PPIE: variants seen among roughly 807,000 people sequenced by gnomAD.
PPIE encodes the protein peptidylprolyl isomerase E.
A neutral mutation model predicts 38.4 loss-of-function variants in PPIE; 20 were observed. The observed-to-expected ratio is 0.52, with a 90% CI of 0.37 to 0.76. PPIE has a LOEUF of 0.76. Among genes scored for constraint, PPIE ranks in the 30% least tolerant of loss-of-function variants. The pLI, the probability that PPIE is intolerant of heterozygous loss-of-function variation, is 0.00. For missense variants in PPIE, 322 were observed against 385.8 expected (o/e 0.83, Z 1.39); for synonymous variants, 142 against 135.7 (o/e 1.05, Z -0.32).
intron 8 of PPIE, among the ~76,000 whole-genome samples, chr1:39,750,565 A>G (rs1647617863): frequency 6.6e-6 from 1 of 152,210 alleles, no homozygotes; most frequent in South Asian, 2.1e-4. Flanking sequence ...GTATCATATC[A>G]GTGCTCGTGA....
chr1:39,741,325 C>T, intron 2 of PPIE, 41 bp from the exon 3 acceptor site: 11 of 1,594,864 alleles, frequency 6.9e-6, no homozygotes, highest in Non-Finnish European at 9.5e-6. Context: ...TTCCCACTAC[C>T]CCACATAGTA....
intron 8 of PPIE, among the ~76,000 whole-genome samples, chr1:39,750,599 G>GCCAAAA (rs1647623488): frequency 6.6e-6 from 1 of 152,162 alleles, no homozygotes; most frequent in African/African-American, 2.4e-5. Flanking sequence ...GGGGCATTTT[G>GCCAAAA]GATTTTGGAT....
At position 39,755,703 on chromosome 1, in the gene PPIE, G is replaced by A. The variant is rs371787125; in HGVS notation, c.*2348G>A. On this transcript the variant is annotated 3_prime_UTR_variant, in exon 10 of 10. Coordinates refer to ENST00000324379, the MANE Select transcript of PPIE (RefSeq NM_006112.4). ...ACTCTGTTCCTCCCTGATACTCTGG[G>A]GAGGTGGAGGCCAGTGGGCAGTTCT... The A allele has an allele frequency of 1.0e-6, 1 of 985,422 alleles. No homozygotes were observed. The highest frequency in any genetic ancestry group is 4.7e-5 in the South Asian group (1 of 21,286). The allele number at this position is 985,422 out of a possible 1,614,324, so 61.0% of individuals were successfully genotyped here. A position where few individuals can be genotyped will look rare whatever the true frequency, so the allele number is the denominator to read the frequency against.
chr1:39,744,048 C>T, intron 6 of PPIE, 124 bp downstream of exon 6: 1 of 618,952 alleles, frequency 1.6e-6, no homozygotes, highest in Non-Finnish European at 2.8e-6. Context: ...ATAATGAATT[C>T]TTAGTACTTT....
At chr1:39,752,803 C>G (rs1021500064) in intron 8 of PPIE, 107 bp from the exon 9 acceptor site, 16 of 1,377,760 alleles carry the variant, frequency 1.2e-5, no homozygotes, top group Non-Finnish European at 1.6e-5. Context: ...TCTGTGCATC[C>G]CCGAGTCTGA....
chr1:39,760,015 C>T (rs1359467116), downstream of PPIE: 2 of 242,868 alleles, frequency 8.2e-6, no homozygotes, highest in African/African-American at 4.5e-5. Context: ...TGGTGAAGAG[C>T]TCAAGGTGGC....
At chr1:39,743,368 A>G (rs1647109677) in intron 5 of PPIE, 71 bp downstream of exon 5, 4 of 1,380,446 alleles carry the variant, frequency 2.9e-6, no homozygotes, top group Non-Finnish European at 4.1e-6. Flanking sequence ...TTTTGTCTCT[A>G]TTTACTTGGA....
At position 39,741,489 on chromosome 1, in the gene PPIE, G is replaced by A. The variant is rs2124294084; in HGVS notation, c.174+80G>A. The A allele has an allele frequency of 2.0e-6, 3 of 1,494,124 alleles. No homozygotes were observed. The East Asian group carries it at 6.8e-5, about 34-fold the overall frequency. The allele number at this position is 1,494,124 out of a possible 1,614,324, so 92.6% of individuals were successfully genotyped here. On this transcript the variant is annotated intron_variant, in intron 3 of 9. Coordinates refer to ENST00000324379, the MANE Select transcript of PPIE (RefSeq NM_006112.4). ...TACAAAGGAAGCTTTTCACCATTTGGTTAGGTTTTTGGGCCTTAGGCTGAT... is the reference window on the plus strand; with the variant it reads ...TACAAAGGAAGCTTTTCACCATTTGATTAGGTTTTTGGGCCTTAGGCTGAT...
At position 39,753,502 on chromosome 1, in the gene PPIE, C is replaced by T. The variant is rs1331831183; in HGVS notation, c.*147C>T. On this transcript the variant is annotated 3_prime_UTR_variant, in exon 10 of 10. Transcript: ENST00000324379. ...GCCCTTCCTCAGGGTCTGCTTGGAG[C>T]AGCTCCTCTGCAGGCACAGCCTGGA... 56 of 1,448,794 alleles carry T rather than the reference C, an allele frequency of 3.9e-5. 1 individual carries two copies. Among genetic ancestry groups the T allele is most frequent in the East Asian group, 3.0e-4 (12 of 39,780 alleles). 89.7% of individuals were successfully genotyped at this position (1,448,794 alleles called of 1,614,324 possible).
rs1647995508 is a variant in PPIE at position 39,753,661 on chromosome 1, C to G, written c.*306C>G. On this transcript the variant is annotated 3_prime_UTR_variant, in exon 10 of 10. Transcript: ENST00000324379. ...CTCTCCTGGGACTACCAGTGTGGCT[C>G]TTACGTGTTTTCTTTGCTAAAATAA... 2 of 1,199,454 alleles carry G rather than the reference C, an allele frequency of 1.7e-6. No individual in the cohort carries two copies. The highest frequency in any genetic ancestry group is 5.9e-5 in the South Asian group (2 of 34,120). The allele number at this position is 1,199,454 out of a possible 1,614,324, so 74.3% of individuals were successfully genotyped here.
intron 8 of PPIE, among the ~76,000 whole-genome samples, chr1:39,750,246 A>T (rs185612389): frequency 6.6e-6 from 1 of 152,154 alleles, no homozygotes; most frequent in African/African-American, 2.4e-5. Flanking sequence ...TCTTGAAAAC[A>T]TGGTACAGAC....
chr1:39,740,054 A>G (rs1647019602), intron 1 of PPIE, 111 bp from the exon 2 acceptor site: 3 of 731,330 alleles, frequency 4.1e-6, no homozygotes, highest in Admixed American at 2.5e-5. Flanking sequence ...TGTTTACCCA[A>G]AGAACTGAAT....
At chr1:39,758,322 C>A (rs190401313), downstream of PPIE, 2 of 152,338 alleles carry the variant, frequency 1.3e-5, no homozygotes, top group East Asian at 3.9e-4. Context: ...CCTCCACCTC[C>A]CAGGTTCAAG....
At chr1:39,742,128 C>G in intron 4 of PPIE, 1 of 563,928 alleles carries the variant, frequency 1.8e-6, no homozygotes, top group Non-Finnish European at 3.1e-6. Flanking sequence ...AATGTAAGTC[C>G]TCATCATCCT....
At chr1:39,749,314 G>A (rs1308893543) in intron 8 of PPIE, among the ~76,000 whole-genome samples, 1 of 151,960 alleles carries the variant, frequency 6.6e-6, no homozygotes, top group Non-Finnish European at 1.5e-5. Context: ...TATTAGCCCC[G>A]CTTGGATTCT....
Position 39,738,945 on chromosome 1 carries a change from G to A in PPIE, c.31+14G>A, listed in dbSNP as rs754163144. On this transcript the variant is annotated intron_variant, in intron 1 of 9. Transcript: ENST00000324379. ...TCTTGTACGTGGGTGAGCAGGAGGG[G>A]TTGCTAGGCGGAGTCTGAGTGAACG... 2.0e-6 allele frequency: 3 copies of A among 1,470,562 alleles called. No homozygotes were observed. The highest frequency in any genetic ancestry group is 1.5e-5 in the African/African-American group (1 of 68,308). 91.1% of individuals were successfully genotyped at this position (1,470,562 alleles called of 1,614,324 possible). A position where few individuals can be genotyped will look rare whatever the true frequency, so the allele number is the denominator to read the frequency against.
At position 39,755,236 on chromosome 1, in the gene PPIE, ACT is replaced by A; in HGVS notation, c.*1882_*1883del. On this transcript the variant is annotated 3_prime_UTR_variant, in exon 10 of 10. Transcript: ENST00000324379. ...GGGTCACTCAGACCATTCAGAATCC[ACT>A]GAGCTGAGCTTTTGCATCTTGGATT... The A allele has an allele frequency of 1.0e-6, 1 of 985,452 alleles. No individual in the cohort carries two copies. The highest frequency in any genetic ancestry group is 1.2e-6 in the Non-Finnish European group (1 of 829,936). 61.0% of individuals were successfully genotyped at this position (985,452 alleles called of 1,614,324 possible).
At position 39,756,734 on chromosome 1, in the gene PPIE, A is replaced by G; in HGVS notation, c.*3379A>G. On this transcript the variant is annotated 3_prime_UTR_variant, in exon 10 of 10. Transcript: ENST00000324379. ...AGCATAGGTATTTGTATATCTTAAG[A>G]AAAAAAGCCTAGAAATAAAGCCACA... is the stretch of plus-strand genomic sequence containing the variant. 4 of 466,360 alleles carry G rather than the reference A, an allele frequency of 8.6e-6. No individual in the cohort carries two copies. In the South Asian group the frequency reaches 3.7e-4, roughly 43 times the overall value. The allele number at this position is 466,360 out of a possible 1,614,324, so 28.9% of individuals were successfully genotyped here.
rs949674669 is a variant in PPIE, at chr1:39,756,231, C to T, written c.*2876C>T. The T allele has an allele frequency of 5.1e-6, 5 of 985,354 alleles. No homozygotes were observed. The highest frequency in any genetic ancestry group is 6.0e-6 in the Non-Finnish European group (5 of 829,942). 61.0% of individuals were successfully genotyped at this position (985,354 alleles called of 1,614,324 possible). Reference sequence around the variant, plus strand: ...GTGGCTCTGTGGGCGTCCTTTCCTGCAGCCTGGAGAGCAAAGCGGCTTTCC... The same window carrying T: ...GTGGCTCTGTGGGCGTCCTTTCCTGTAGCCTGGAGAGCAAAGCGGCTTTCC... On this transcript the variant is annotated 3_prime_UTR_variant, in exon 10 of 10. Coordinates refer to ENST00000324379, the MANE Select transcript of PPIE (RefSeq NM_006112.4).
Sources: allele counts gnomAD v4.1 joint callset (sites outside exome capture counted in the v4.1 genomes callset), GRCh38; gene constraint gnomAD v4.1.1; transcripts MANE v1.5; gene names NCBI Gene and HGNC (gene_info 2026-07-23, HGNC 2026-07-21).